OPRD1: variants seen among roughly 807,000 people sequenced by gnomAD.
OPRD1 encodes the protein delta-type opioid receptor.
Under a neutral mutation model 17.5 loss-of-function variants are expected in OPRD1, and 19 were observed. The ratio of observed to expected loss-of-function variants is 1.09; its 90% confidence interval spans 0.76 to 1.60. OPRD1 has a LOEUF of 1.60. Among genes scored for constraint, OPRD1 ranks in the 40% most tolerant of loss-of-function variants. The pLI is 0.00. For synonymous variants in OPRD1, 256 were observed against 240.9 expected, an observed-to-expected ratio of 1.06 and a Z score of -0.58; for missense variants, 483 against 547.2, an observed-to-expected ratio of 0.88 and a Z score of 1.17.
At chr1:28,821,748 T>C (rs576814605) in intron 1 of OPRD1, among the ~76,000 whole-genome samples, 3 of 152,202 alleles carry the variant, frequency 2.0e-5, no homozygotes, top group African/African-American at 4.8e-5. Flanking sequence ...ATCTAAATAA[T>C]GCTGCTGCTG....
At chr1:28,833,950 T>C (rs204054) in intron 1 of OPRD1, among the ~76,000 whole-genome samples, 137,428 of 152,264 alleles carry the variant, frequency 0.9, 62,226 homozygotes, top group East Asian at 1. Flanking sequence ...GTTTTTTTGT[T>C]GCCCAGGCTG....
intron 1 of OPRD1, among the ~76,000 whole-genome samples, chr1:28,830,907 A>AT (rs919227544): frequency 1.2e-4 from 18 of 152,254 alleles, no homozygotes; most frequent in Non-Finnish European, 2.4e-4. Flanking sequence ...GCAAGAAGCC[A>AT]TTGGTGATAA....
chr1:28,852,451 A>G (rs1303062851), intron 1 of OPRD1, among the ~76,000 whole-genome samples: 2 of 152,212 alleles, frequency 1.3e-5, no homozygotes, highest in African/African-American at 4.8e-5. Context: ...GCAGTGGACA[A>G]TATCTACAAA....
At chr1:28,824,438 C>T (rs184809022) in intron 1 of OPRD1, among the ~76,000 whole-genome samples, 9 of 151,062 alleles carry the variant, frequency 6.0e-5, no homozygotes, top group Non-Finnish European at 8.9e-5. Context: ...CTCGGCTTCC[C>T]GAGTAGCTGG....
In OPRD1 at chr1:28,837,679, A is replaced by C. The variant is rs146839049; in HGVS notation, c.228-21275A>C. Among the ~76,000 whole-genome samples the C allele has an allele frequency of 2.6e-3, 389 of 150,386 alleles. 1 individual carries two copies. Among genetic ancestry groups the C allele is most frequent in the African/African-American group, 8.8e-3 (358 of 40,874 alleles). On this transcript the variant is annotated intron_variant, in intron 1 of 2. Coordinates refer to ENST00000234961, the MANE Select transcript of OPRD1 (RefSeq NM_000911.4). ...CAAAAAACAAAAAAAACAAAAAAAA[A>C]CCCAAAAAATGGTTCGGGACCCCTC... is the stretch of plus-strand genomic sequence containing the variant.
Position 28,870,386 on chromosome 1 carries a change from G to C in OPRD1, c.*7103G>C, listed in dbSNP as rs2089206964. On this transcript the variant is annotated 3_prime_UTR_variant, in exon 3 of 3. Coordinates refer to ENST00000234961, the MANE Select transcript of OPRD1 (RefSeq NM_000911.4). ...CCTGCCTCAGCCTGCTGAGTAGCTGGGATTACAGGCACGTGCCCGGCTAAT... is the reference window on the plus strand; with the variant it reads ...CCTGCCTCAGCCTGCTGAGTAGCTGCGATTACAGGCACGTGCCCGGCTAAT... 6.6e-6 allele frequency: 1 copy of C among 151,938 alleles called. No individual in the cohort carries two copies. The highest frequency in any genetic ancestry group is 2.4e-5 in the African/African-American group (1 of 41,340). 9.4% of individuals were successfully genotyped at this position (151,938 alleles called of 1,614,324 possible).
intron 1 of OPRD1, among the ~76,000 whole-genome samples, chr1:28,853,296 C>G (rs540192623): frequency 6.6e-6 from 1 of 152,320 alleles, no homozygotes; most frequent in East Asian, 1.9e-4. Flanking sequence ...TTTAGATGAT[C>G]CTGCAGCTGC....
intron 1 of OPRD1, among the ~76,000 whole-genome samples, chr1:28,815,407 G>A (rs1227566994): frequency 1.3e-5 from 2 of 152,220 alleles, no homozygotes; most frequent in Non-Finnish European, 2.9e-5. Context: ...GCCCGGCTGT[G>A]TCCCTCCTCT....
chr1:28,827,819 G>A (rs1352425309), intron 1 of OPRD1, among the ~76,000 whole-genome samples: 1 of 152,030 alleles, frequency 6.6e-6, no homozygotes, highest in East Asian at 1.9e-4. Context: ...CAAACTCCTG[G>A]GCTCAAACTA....
chr1:28,853,272 C>T (rs914514039), intron 1 of OPRD1, among the ~76,000 whole-genome samples: 2 of 152,192 alleles, frequency 1.3e-5, no homozygotes, highest in Non-Finnish European at 2.9e-5. Flanking sequence ...TGATGTGTCG[C>T]CACTGGACTA....
In OPRD1 at chr1:28,824,674, T is replaced by C. The variant is rs538962404; in HGVS notation, c.227+12064T>C. Among the ~76,000 whole-genome samples the C allele has an allele frequency of 1.8e-4, 27 of 152,162 alleles. 1 individual carries two copies. The South Asian group carries it at 2.9e-3, about 16-fold the overall frequency. ...GCCAGGCACCCTGCCTAGAGATGTA[T>C]ATATATTATCCCATTTAATTTTTGC... On this transcript the variant is annotated intron_variant, in intron 1 of 2. Coordinates refer to ENST00000234961, the MANE Select transcript of OPRD1 (RefSeq NM_000911.4).
chr1:28,858,924 G>C, intron 1 of OPRD1, 30 bp from the exon 2 acceptor site: 1 of 1,562,464 alleles, frequency 6.4e-7, no homozygotes, highest in Non-Finnish European at 8.7e-7. Context: ...CTGTGAAATG[G>C]GATTAATTAC....
chr1:28,827,875 C>A (rs994320799), intron 1 of OPRD1, among the ~76,000 whole-genome samples: 8 of 152,222 alleles, frequency 5.3e-5, no homozygotes, highest in Admixed American at 5.2e-4. Context: ...CATGTGTGTG[C>A]CACCATGTCT....
At chr1:28,850,698 G>A (rs1224148780) in intron 1 of OPRD1, among the ~76,000 whole-genome samples, 1 of 151,424 alleles carries the variant, frequency 6.6e-6, no homozygotes, top group Non-Finnish European at 1.5e-5. Flanking sequence ...TGGGAGGATT[G>A]ATTGAGCCTA....
intron 2 of OPRD1, among the ~76,000 whole-genome samples, chr1:28,861,159 G>T (rs968230870): frequency 6.6e-6 from 1 of 152,116 alleles, no homozygotes; most frequent in Non-Finnish European, 1.5e-5. Flanking sequence ...GATGTCCTGT[G>T]GACCCACTCT....
chr1:28,859,747 A>T (rs1420554458), intron 2 of OPRD1, among the ~76,000 whole-genome samples: 2 of 152,156 alleles, frequency 1.3e-5, no homozygotes, highest in Non-Finnish European at 2.9e-5. Flanking sequence ...GTCCCATTTT[A>T]AACTCCCTTT....
intron 1 of OPRD1, among the ~76,000 whole-genome samples, chr1:28,813,106 G>A (rs1200301361): frequency 6.6e-6 from 1 of 152,236 alleles, no homozygotes; most frequent in East Asian, 1.9e-4. Context: ...CCCTTACCAA[G>A]TCATATTTGG....
chr1:28,858,852 G>C, intron 1 of OPRD1, 102 bp from the exon 2 acceptor site: 1 of 1,170,176 alleles, frequency 8.5e-7, no homozygotes, highest in Non-Finnish European at 1.2e-6. Context: ...AGCCTCCCCT[G>C]ACCTTTTGCA....
intron 1 of OPRD1, among the ~76,000 whole-genome samples, chr1:28,851,147 C>T (rs906245309): frequency 2.0e-5 from 3 of 152,054 alleles, no homozygotes; most frequent in Admixed American, 6.6e-5. Context: ...GAAAGCACAC[C>T]GTCACAAAGT....
Sources: allele counts gnomAD v4.1 joint callset (sites outside exome capture counted in the v4.1 genomes callset), GRCh38; gene constraint gnomAD v4.1.1; transcripts MANE v1.5; gene names NCBI Gene and HGNC (gene_info 2026-07-23, HGNC 2026-07-21).